SYNE1: variants seen among roughly 807,000 people sequenced by gnomAD.
The protein encoded by SYNE1 is spectrin repeat containing nuclear envelope protein 1.
In SYNE1, 616 loss-of-function variants were observed where a neutral mutation model predicts 1,111.0. The ratio of observed to expected loss-of-function variants is 0.55; its 90% CI spans 0.52 to 0.59. The LOEUF (loss-of-function observed/expected upper bound fraction) is 0.59. SYNE1 is among the 20% of genes least tolerant of loss of function. The pLI is 0.00. For synonymous variants in SYNE1, 3,855 were observed against 3,825.8 expected (o/e 1.01, Z -0.28); for missense variants, 10,006 against 10,417.0 (o/e 0.96, Z 1.72).
Position 152,455,984 on chromosome 6 carries a change from G to C in SYNE1, c.2629C>G (p.Gln877Glu). 6.2e-7 allele frequency: 1 copy of C among 1,614,042 alleles called. No homozygotes were observed. Among genetic ancestry groups the C allele is most frequent in the Non-Finnish European group, 8.5e-7 (1 of 1,179,988 alleles). ...KTLTLIEKGS[Q>E]SVQKFVTLSN... ...AAGGTCACAAACTTTTGAACACTTT[G>C]ACTGCCTTTCTCAATAAGTGTCAAG... The change falls in exon 23 of 146, where the codon CAA becomes GAA. Residue 877 changes from glutamine to glutamate, a missense_variant. Gln to Glu is a conservative substitution (Grantham distance 29, BLOSUM62 2). Transcript: ENST00000367255.
At chr6:152,256,506 G>T in intron 102 of SYNE1, 128 bp downstream of exon 102, 1 of 1,100,250 alleles carries the variant, frequency 9.1e-7, no homozygotes, top group Non-Finnish European at 1.3e-6. Flanking sequence ...TTGTTTCAGC[G>T]CTTATCACTA....
Position 152,329,966 on chromosome 6 carries a change from G to T in SYNE1, c.14719C>A (p.Leu4907Ile), listed in dbSNP as rs1463102307. 1 of 1,614,164 alleles carries T rather than the reference G, an allele frequency of 6.2e-7. No individual in the cohort carries two copies. The highest frequency in any genetic ancestry group is 2.2e-5 in the East Asian group (1 of 44,882). Residue 4907 changes from leucine to isoleucine, a missense_variant, in exon 78 of 146, where the codon CTC (leucine) becomes ATC (isoleucine). Coordinates refer to ENST00000367255, the MANE Select transcript of SYNE1 (RefSeq NM_182961.4). The stretch of plus-strand genomic sequence containing the variant: ...AGGTCTAGGTACACCGGCCCACTGA[G>T]CTCTGCCTTCACTCTCCTCAGCCAG... ...LDWLRRVKAE[L>I]SGPVYLDLNL...
At chr6:152,475,239 T>C (rs2098828205) in intron 14 of SYNE1, among the ~76,000 whole-genome samples, 1 of 152,190 alleles carries the variant, frequency 6.6e-6, no homozygotes. Context: ...ATAAGTACAG[T>C]CACTCCTTGA....
rs1161876019 is a variant in SYNE1, at chr6:152,381,289, T to C, written c.8726A>G (p.Gln2909Arg). 2.5e-6 allele frequency: 4 copies of C among 1,614,212 alleles called. No individual in the cohort carries two copies. In the South Asian group the frequency reaches 4.4e-5, roughly 18 times the overall value. Residue 2909 changes from glutamine to arginine, a missense_variant, in exon 56 of 146, where the codon CAG becomes CGG. By Grantham distance (43) the Gln-to-Arg change is conservative. This residue lies in a region of SYNE1 where 4,955 missense variants were observed against 5,017.2 expected (regional missense o/e 0.99). Coordinates refer to ENST00000367255, the MANE Select transcript of SYNE1 (RefSeq NM_182961.4). ...RVESLAPEVK[Q>R]NTTASGCELM... ...CTCACACCCACTGGCAGTTGTGTTC[T>C]GTTTCACTTCGGGAGCCAGCGACTC...
Position 152,218,994 on chromosome 6 carries a change from G to A in SYNE1, c.22044+9C>T, listed in dbSNP as rs774609945. The stretch of plus-strand genomic sequence containing the variant: ...AATATACAGAAGATACTAAATAGGA[G>A]CTCTGTACCTGTAATGAAGTCTGCT... On this transcript the variant is annotated intron_variant, in intron 120 of 145. Coordinates refer to ENST00000367255, the MANE Select transcript of SYNE1 (RefSeq NM_182961.4). 7 of 1,613,132 alleles carry A rather than the reference G, an allele frequency of 4.3e-6. No individual in the cohort carries two copies. The highest frequency in any genetic ancestry group is 1.3e-5 in the African/African-American group (1 of 75,048).
At chr6:152,270,750 T>A (rs969631857) in intron 98 of SYNE1, among the ~76,000 whole-genome samples, 1 of 152,154 alleles carries the variant, frequency 6.6e-6, no homozygotes, top group African/African-American at 2.4e-5. Flanking sequence ...AACAGATAAC[T>A]GAGCTGAAGA....
At chr6:152,593,717 T>A (rs2099573232) in intron 3 of SYNE1, among the ~76,000 whole-genome samples, 1 of 152,202 alleles carries the variant, frequency 6.6e-6, no homozygotes, top group Admixed American at 6.5e-5. Context: ...TGATTTTTAA[T>A]GTTGATGGTG....
chr6:152,351,934 G>A lies in SYNE1; in HGVS notation c.11580+93C>T, dbSNP rs982572350. 19 of 1,164,414 alleles carry A rather than the reference G, an allele frequency of 1.6e-5. No individual in the cohort carries two copies. In the Admixed American group the frequency reaches 3.1e-4, roughly 19 times the overall value. 72.1% of individuals were successfully genotyped at this position (1,164,414 alleles called of 1,614,324 possible). ...GACACATGCGGGATGCATTCCAGCA[G>A]CTGTTACGGGTGACACCCAGCAAGA... is the stretch of plus-strand genomic sequence containing the variant. On this transcript the variant is annotated intron_variant, in intron 70 of 145. Coordinates refer to ENST00000367255, the MANE Select transcript of SYNE1 (RefSeq NM_182961.4).
chr6:152,230,961 A>G (rs2082634297), intron 114 of SYNE1, among the ~76,000 whole-genome samples: 1 of 152,162 alleles, frequency 6.6e-6, no homozygotes, highest in African/African-American at 2.4e-5. Context: ...AAAAAATTGC[A>G]AAAGAATCTC....
chr6:152,241,527 T>TGTGTGTGTGTGTGTGTGTGAGTGA (rs59737931), intron 107 of SYNE1, among the ~76,000 whole-genome samples: 1 of 145,032 alleles, frequency 6.9e-6, no homozygotes, highest in Non-Finnish European at 1.5e-5. Context: ...TGTGTGTGTG[T>TGTGTGTGTGTGTGTGTGTGAGTGA]GTGAAATACG....
intron 98 of SYNE1, among the ~76,000 whole-genome samples, chr6:152,270,222 G>A (rs544405077): frequency 1.3e-5 from 2 of 152,250 alleles, no homozygotes; most frequent in Admixed American, 1.3e-4. Flanking sequence ...TGTACTCAAA[G>A]ATGAAAACTC....
At chr6:152,124,354 C>T (rs1018933361) in intron 145 of SYNE1, among the ~76,000 whole-genome samples, 3 of 152,158 alleles carry the variant, frequency 2.0e-5, no homozygotes, top group Non-Finnish European at 2.9e-5. Flanking sequence ...ACAGGCAGCA[C>T]GCAGTGTTTC....
intron 87 of SYNE1, among the ~76,000 whole-genome samples, chr6:152,311,618 C>A (rs906428726): frequency 6.6e-6 from 1 of 152,110 alleles, no homozygotes; most frequent in African/African-American, 2.4e-5. Flanking sequence ...CTTTTGGGAT[C>A]TGACAGATGA....
At chr6:152,455,673 A>C in intron 23 of SYNE1, 83 bp from the exon 24 acceptor site, 1 of 1,574,596 alleles carries the variant, frequency 6.4e-7, no homozygotes, top group Non-Finnish European at 8.7e-7. Context: ...TATTCATTTA[A>C]AAAGCACTTG....
chr6:152,450,181 C>A (rs942638591), intron 27 of SYNE1, among the ~76,000 whole-genome samples: 1 of 152,178 alleles, frequency 6.6e-6, no homozygotes, highest in African/African-American at 2.4e-5. Flanking sequence ...TCATAAGGGG[C>A]TTTTCCCCCT....
At chr6:152,402,105 C>T (rs1206690883) in intron 46 of SYNE1, among the ~76,000 whole-genome samples, 1 of 152,140 alleles carries the variant, frequency 6.6e-6, no homozygotes, top group East Asian at 1.9e-4. Flanking sequence ...AGGCTTCTTT[C>T]TCCCATAGGC....
At chr6:152,534,287 T>A (rs2099222857) in intron 4 of SYNE1, among the ~76,000 whole-genome samples, 2 of 152,260 alleles carry the variant, frequency 1.3e-5, no homozygotes, top group Admixed American at 6.5e-5. Flanking sequence ...TTAGTCTGCA[T>A]AAACTTTGTG....
At chr6:152,576,100 A>G (rs564710641) in intron 3 of SYNE1, among the ~76,000 whole-genome samples, 2 of 152,358 alleles carry the variant, frequency 1.3e-5, no homozygotes, top group South Asian at 4.1e-4. Context: ...TTTCAAAAAA[A>G]TAAGTACCAA....
At chr6:152,376,715 T>C in intron 57 of SYNE1, 61 bp downstream of exon 57, 1 of 1,605,996 alleles carries the variant, frequency 6.2e-7, no homozygotes, top group South Asian at 1.1e-5. Flanking sequence ...CACCTTAAAA[T>C]AAACTTCTAG....
Sources: gnomAD v4.1 joint callset for allele counts (sites outside exome capture counted in the v4.1 genomes callset) on GRCh38, gnomAD v4.1.1 for gene constraint, gnomAD v4.1.1 regional missense constraint, MANE v1.5 for transcripts, NCBI Gene and HGNC (gene_info 2026-07-23, HGNC 2026-07-21) for gene names.